SLC22A17: variants seen among roughly 807,000 people sequenced by gnomAD.
SLC22A17 encodes the protein 24p3 receptor.
Under a neutral mutation model 53.6 loss-of-function variants are expected in SLC22A17, and 38 were observed. That is an observed-to-expected ratio of 0.71 (90% CI 0.55 to 0.93). SLC22A17 has a LOEUF of 0.93. Ranked by LOEUF, SLC22A17 falls within the 40% of genes least tolerant of loss-of-function variation. The pLI, the probability that SLC22A17 is intolerant of heterozygous loss-of-function variation, is 0.00. For synonymous variants in SLC22A17, 379 were observed against 353.0 expected (o/e 1.07, Z -0.82); for missense variants, 704 against 791.0 (o/e 0.89, Z 1.32).
chr14:23,346,748 C>G lies in SLC22A17; in HGVS notation c.1850G>C (p.Arg617Pro), dbSNP rs752831517. The G allele has an allele frequency of 3.6e-5, 55 of 1,543,826 alleles. No homozygotes were observed. In the Admixed American group the frequency reaches 7.0e-4, roughly 20 times the overall value. The change falls in exon 10 of 10, where the codon CGG becomes CCG. Residue 617 changes from arginine to proline, a missense_variant. This residue lies in a region of SLC22A17 where 196 missense variants were observed against 171.5 expected (regional missense o/e 1.14). Transcript: ENST00000397267. ...AGGCCGGCGACACAGCTCCCCGTCC[C>G]GGAGCACCTCGGGCAGGAGCTTGCG...
At chr14:23,346,617 C>T in exon 10 of SLC22A17, 1 of 1,448,576 alleles carries the variant, frequency 6.9e-7, no homozygotes, top group Non-Finnish European at 9.1e-7. Context: ...TCTGTGTGGG[C>T]CAGCCTCCCG....
At chr14:23,349,758 T>C in intron 3 of SLC22A17, 5 of 356,024 alleles carry the variant, frequency 1.4e-5, no homozygotes, top group Non-Finnish European at 2.6e-5. Flanking sequence ...CCATTCATCC[T>C]TAGGAACAGA....
At chr14:23,351,641 A>G (rs1009698340) in intron 3 of SLC22A17, 111 bp downstream of exon 3, 1 of 794,532 alleles carries the variant, frequency 1.3e-6, no homozygotes, top group African/African-American at 1.8e-5. Flanking sequence ...TCCAGAGAAG[A>G]CTGCAGAGTC....
In SLC22A17 at chr14:23,352,381, C is replaced by T. The variant is rs1889697000; in HGVS notation, c.167G>A (p.Gly56Glu). Residue 56 changes from glycine (G) to glutamate (E), a missense_variant, in exon 2 of 10, where the codon GGG (glycine) becomes GAG (glutamate). Physicochemically the swap from Gly to Glu is moderately conservative, Grantham distance 98 (BLOSUM62 -2). Coordinates refer to ENST00000397267, the Ensembl canonical transcript of SLC22A17. This position sits in a 1 kb window ranked among gnomAD's most constrained non-coding sequence, Gnocchi z 7.2. ...TCCGTCGCCGCCCGCGTCTCCCTCCCCCTCCCGCTCGCGCTCCCGCTCACC... is the reference window on the plus strand; with the variant it reads ...TCCGTCGCCGCCCGCGTCTCCCTCCTCCTCCCGCTCGCGCTCCCGCTCACC... 4.3e-6 allele frequency: 3 copies of T among 702,040 alleles called. No homozygotes were observed. Among genetic ancestry groups the T allele is most frequent in the Admixed American group, 3.9e-5 (1 of 25,418 alleles). 43.5% of individuals were successfully genotyped at this position (702,040 alleles called of 1,614,324 possible). A position where few individuals can be genotyped will look rare whatever the true frequency, so the allele number is the denominator to read the frequency against.
chr14:23,349,387 C>T, exon 4 of SLC22A17: 1 of 1,613,864 alleles, frequency 6.2e-7, no homozygotes, highest in Non-Finnish European at 8.5e-7. Context: ...AGGGGCCCAC[C>T]AGCCCCAAGG....
Position 23,347,264 on chromosome 14 carries a change from C to T in SLC22A17, c.1550-52G>A, listed in dbSNP as rs757292474. On this transcript the variant is annotated intron_variant, in intron 8 of 9. Transcript: ENST00000397267. The surrounding 1 kb of genome is among the most constrained non-coding windows in gnomAD (Gnocchi z 5.1). ...ATGCAGGTGGGGAGGTCAAGGCTGG[C>T]CTAGTCCCGGGTGTCATCCCCTTGG... 35 of 1,545,290 alleles carry T rather than the reference C, an allele frequency of 2.3e-5. No individual in the cohort carries two copies. Among genetic ancestry groups the T allele is most frequent in the Non-Finnish European group, 3.0e-5 (34 of 1,133,722 alleles).
rs1253332675 is a variant in SLC22A17, at chr14:23,348,250, T to A, written c.1082A>T (p.Glu361Val). ...GATCCTCAGCACAGACTGAGCCTCC[T>A]CAATCTGCCGCTTCACTATCAGCCA... is the stretch of plus-strand genomic sequence containing the variant. Residue 361 changes from glutamate (E) to valine (V), a missense_variant, in exon 6 of 10, where the codon GAG becomes GTG. Coordinates refer to ENST00000397267, the Ensembl canonical transcript of SLC22A17. This position sits in a 1 kb window ranked among gnomAD's most constrained non-coding sequence, Gnocchi z 4.5. The A allele has an allele frequency of 1.2e-6, 2 of 1,613,960 alleles. No individual in the cohort carries two copies. The highest frequency in any genetic ancestry group is 3.3e-5 in the Admixed American group (2 of 60,008).
At chr14:23,349,735 A>T in intron 3 of SLC22A17, 1 of 420,476 alleles carries the variant, frequency 2.4e-6, no homozygotes, top group Non-Finnish European at 4.3e-6. Flanking sequence ...GATATTGCTT[A>T]GGGGATTTGG....
chr14:23,348,075 G>A lies in SLC22A17; in HGVS notation c.1172-79C>T, dbSNP rs1450452699. ...TCCCACATGGGTGGTGGGGACCCTG[G>A]GAGAAGGTGGCACAGCTACAGCCAT... On this transcript the variant is annotated intron_variant, in intron 6 of 9. Coordinates refer to ENST00000397267, the Ensembl canonical transcript of SLC22A17. This position sits in a 1 kb window ranked among gnomAD's most constrained non-coding sequence, Gnocchi z 4.5. 1.4e-5 allele frequency: 22 copies of A among 1,610,556 alleles called. No homozygotes were observed. The highest frequency in any genetic ancestry group is 2.2e-5 in the East Asian group (1 of 44,842).
Position 23,352,010 on chromosome 14 carries a change from G to T in SLC22A17, c.538C>A (p.His180Asn). Reference sequence around the variant, plus strand: ...TTATAGTCCCAATCCTTGAGGCAATGGTTGAAGTCCGGCGGGGCGAAGCCG... The same window carrying T: ...TTATAGTCCCAATCCTTGAGGCAATTGTTGAAGTCCGGCGGGGCGAAGCCG... The change falls in exon 2 of 10, where the codon CAT (histidine) becomes AAT (asparagine). Residue 180 changes from histidine (H) to asparagine (N), a missense_variant. Physicochemically the swap from His to Asn is moderately conservative, Grantham distance 68. This residue lies in a region of SLC22A17 where 435 missense variants were observed against 529.0 expected (regional missense o/e 0.82). Coordinates refer to ENST00000397267, the Ensembl canonical transcript of SLC22A17. The surrounding 1 kb of genome is among the most constrained non-coding windows in gnomAD (Gnocchi z 7.2). 1 of 1,612,128 alleles carries T rather than the reference G, an allele frequency of 6.2e-7. No individual in the cohort carries two copies. The highest frequency in any genetic ancestry group is 8.5e-7 in the Non-Finnish European group (1 of 1,179,126).
rs141228721 is a variant in SLC22A17, at chr14:23,349,411, C to T, written c.720G>A (p.Gly240=). 8,867 of 1,612,550 alleles carry T rather than the reference C, an allele frequency of 5.5e-3. 27 individuals carry two copies. The highest frequency in any genetic ancestry group is 7.0e-3 in the Non-Finnish European group (8,224 of 1,179,194). Residue 240 remains glycine (G), a synonymous_variant, in exon 4 of 10, where the codon GGG becomes GGA. Transcript: ENST00000397267. ...CCAGCCCCAAGGTCAGCAGCACAAT[C>T]CCGCGACGGCCAAATCTAGAAAGTG...
chr14:23,346,992 C>A, intron 9 of SLC22A17, 56 bp from the exon 10 acceptor site: 1 of 1,494,826 alleles, frequency 6.7e-7, no homozygotes, highest in Non-Finnish European at 8.9e-7. Context: ...CTGGGCCCTT[C>A]TCCCGCAGCC....
Position 23,348,448 on chromosome 14 carries a change from G to T in SLC22A17, c.1025+58C>A, listed in dbSNP as rs1472366891. ...AGAAGAGGAGGGGTCTCCGGGCTAG[G>T]GCTAGTTTGGAGGCAGAGATGGGAA... On this transcript the variant is annotated intron_variant, in intron 5 of 9. Transcript: ENST00000397267. This position sits in a 1 kb window ranked among gnomAD's most constrained non-coding sequence, Gnocchi z 4.5. The T allele has an allele frequency of 6.3e-7, 1 of 1,594,546 alleles. No individual in the cohort carries two copies. The highest frequency in any genetic ancestry group is 8.6e-7 in the Non-Finnish European group (1 of 1,168,496).
rs764139091 is a variant in SLC22A17 at position 23,348,311 on chromosome 14, G to T, written c.1026-5C>A. ...TCCAGGAACAAACCAGGCCAGCTGG[G>T]GGCAGGGGGGAAGGGGTATACTGTG... On this transcript the variant is annotated splice_polypyrimidine_tract_variant and splice_region_variant and intron_variant, in intron 5 of 9. Transcript: ENST00000397267. The surrounding 1 kb of genome is among the most constrained non-coding windows in gnomAD (Gnocchi z 4.5). The T allele has an allele frequency of 1.2e-6, 2 of 1,613,828 alleles. No homozygotes were observed. Among genetic ancestry groups the T allele is most frequent in the Admixed American group, 3.3e-5 (2 of 59,986 alleles).
rs1889428243 is a variant in SLC22A17, at chr14:23,348,874, T to TAGG, written c.860-206_860-204dup. ...CCCTCTCTCCTCTCCTGCTCAAACC[T>TAGG]AGGAGGGCTCTAGGGCCAGAGTCCT... On this transcript the variant is annotated intron_variant, in intron 4 of 9. Coordinates refer to ENST00000397267, the Ensembl canonical transcript of SLC22A17. This position sits in a 1 kb window ranked among gnomAD's most constrained non-coding sequence, Gnocchi z 4.5. 1.6e-6 allele frequency: 1 copy of TAGG among 622,358 alleles called. No individual in the cohort carries two copies. Among genetic ancestry groups the TAGG allele is most frequent in the Non-Finnish European group, 2.8e-6 (1 of 360,606 alleles). 38.6% of individuals were successfully genotyped at this position (622,358 alleles called of 1,614,324 possible). A position where few individuals can be genotyped will look rare whatever the true frequency, so the allele number is the denominator to read the frequency against.
intron 2 of SLC22A17, 42 bp downstream of exon 2, chr14:23,351,906 C>G: frequency 6.2e-7 from 1 of 1,611,274 alleles, no homozygotes; most frequent in Non-Finnish European, 8.5e-7. Flanking sequence ...CCTCGCCGCT[C>G]TCTGCCCGCC....
exon 10 of SLC22A17, chr14:23,346,880 G>C (rs757505962): frequency 6.5e-7 from 1 of 1,538,016 alleles, no homozygotes; most frequent in Non-Finnish European, 8.7e-7. Context: ...GCGCTGGGCC[G>C]GGCCGCTCAG....
chr14:23,351,535 T>C (rs1483084304), intron 3 of SLC22A17: 7 of 545,554 alleles, frequency 1.3e-5, no homozygotes, highest in Non-Finnish European at 2.3e-5. Context: ...TAATAGTCCA[T>C]AGAGGTCGAG....
In SLC22A17 at chr14:23,347,457, C is replaced by A. The variant is rs1383638031; in HGVS notation, c.1549+3G>T. On this transcript the variant is annotated splice_donor_region_variant and intron_variant, in intron 8 of 9. Coordinates refer to ENST00000397267, the Ensembl canonical transcript of SLC22A17. The surrounding 1 kb of genome is among the most constrained non-coding windows in gnomAD (Gnocchi z 5.1). ...AAGAAATGGCTGTGCCTGTCTGAAG[C>A]ACCTCTGTTGGGGTTCCCTTGTTGA... The A allele has an allele frequency of 6.2e-7, 1 of 1,612,226 alleles. No individual in the cohort carries two copies. Among genetic ancestry groups the A allele is most frequent in the East Asian group, 2.2e-5 (1 of 44,858 alleles).
Sources: gnomAD v4.1 joint callset for allele counts on GRCh38, gnomAD v4.1.1 for gene constraint, gnomAD v4.1.1 regional missense constraint, Gnocchi (gnomAD v3.1) non-coding constraint, MANE v1.5 for transcripts, NCBI Gene and HGNC (gene_info 2026-07-23, HGNC 2026-07-21) for gene names.